SCN11A: variants seen among roughly 807,000 people sequenced by gnomAD.
The protein encoded by SCN11A is sodium channel protein type 11 subunit alpha.
A neutral mutation model predicts 162.2 loss-of-function variants in SCN11A; 122 were observed. The ratio of observed to expected loss-of-function variants is 0.75; its 90% CI spans 0.65 to 0.87. The LOEUF (loss-of-function observed/expected upper bound fraction) is 0.87. Among genes scored for constraint, SCN11A ranks in the 40% least tolerant of loss-of-function variants. The probability of loss-of-function intolerance (pLI) is 0.00; values close to 1 mark genes in which losing one functional copy is unlikely to be tolerated. For missense variants in SCN11A, 2,015 were observed against 2,181.6 expected (o/e 0.92, Z 1.52); for synonymous variants, 758 against 751.5 (o/e 1.01, Z -0.14).
intron 1 of SCN11A, among the ~76,000 whole-genome samples, chr3:39,034,251 A>C (rs2031843498): frequency 6.6e-6 from 1 of 152,180 alleles, no homozygotes; most frequent in Non-Finnish European, 1.5e-5. Flanking sequence ...AAGATCGTTC[A>C]TTATGACCAA....
chr3:38,971,513 C>T (rs1366549039), intron 2 of SCN11A, among the ~76,000 whole-genome samples: 3 of 152,196 alleles, frequency 2.0e-5, no homozygotes, highest in Non-Finnish European at 2.9e-5. Flanking sequence ...ATGCCAGAGA[C>T]TTATTCCCAC....
intron 7 of SCN11A, among the ~76,000 whole-genome samples, chr3:38,936,788 C>T (rs2066339580): frequency 6.6e-6 from 1 of 152,158 alleles, no homozygotes; most frequent in African/African-American, 2.4e-5. Flanking sequence ...TGAAAATGGC[C>T]ATACTGCCCA....
At chr3:38,969,758 T>C (rs2066805271) in intron 2 of SCN11A, among the ~76,000 whole-genome samples, 1 of 152,238 alleles carries the variant, frequency 6.6e-6, no homozygotes, top group African/African-American at 2.4e-5. Flanking sequence ...CAGTGTCTGA[T>C]AACCGAAGTT....
intron 2 of SCN11A, among the ~76,000 whole-genome samples, chr3:39,008,587 A>T (rs753875077): frequency 3.9e-5 from 6 of 152,162 alleles, no homozygotes; most frequent in Non-Finnish European, 8.8e-5. Flanking sequence ...AGAACATCCA[A>T]TGCATCTAAA....
At chr3:38,974,326 A>G (rs1383050884) in intron 2 of SCN11A, among the ~76,000 whole-genome samples, 1 of 152,222 alleles carries the variant, frequency 6.6e-6, no homozygotes. Context: ...ACAAAATTAA[A>G]CCAAAATATG....
chr3:38,954,136 G>C (rs2066653541), intron 3 of SCN11A, among the ~76,000 whole-genome samples: 1 of 152,192 alleles, frequency 6.6e-6, no homozygotes, highest in African/African-American at 2.4e-5. Flanking sequence ...ATTCATCACT[G>C]TCTGTCCCAC....
chr3:38,854,648 G>C lies in SCN11A; in HGVS notation c.4057-3897C>G, dbSNP rs908176138. On this transcript the variant is annotated intron_variant, in intron 28 of 29. Coordinates refer to ENST00000302328, the MANE Select transcript of SCN11A (RefSeq NM_001349253.2). ...ATGCCACTGCAGACTGCACGAGACA[G>C]GTGAAAAGCCGTGAGTTCCCAAAGT... 3.3e-5 allele frequency among the ~76,000 whole-genome samples: 5 copies of C among 152,340 alleles called. No individual in the cohort carries two copies. In the East Asian group the frequency reaches 7.7e-4, roughly 24 times the overall value.
rs766122411 is a variant in SCN11A, at chr3:38,847,463, G to T, written c.4607C>A (p.Thr1536Asn). 4 of 1,614,098 alleles carry T rather than the reference G, an allele frequency of 2.5e-6. No homozygotes were observed. The highest frequency in any genetic ancestry group is 3.4e-6 in the Non-Finnish European group (4 of 1,180,050). Residue 1536 changes from threonine to asparagine, a missense_variant, in exon 30 of 30, where the codon ACT (threonine) becomes AAT (asparagine). Physicochemically the swap from Thr to Asn is moderately conservative, Grantham distance 65. Coordinates refer to ENST00000302328, the MANE Select transcript of SCN11A (RefSeq NM_001349253.2). ...SGIDDIFNFK[T>N]FASSMLCLFQ... ...GAGACAGAGCATGCTGCTGGCAAAAGTCTTGAAGTTGAATATGTCATCGAT... is the reference window on the plus strand; with the variant it reads ...GAGACAGAGCATGCTGCTGGCAAAATTCTTGAAGTTGAATATGTCATCGAT...
At chr3:39,006,262 A>C (rs1000095214) in intron 2 of SCN11A, among the ~76,000 whole-genome samples, 1 of 152,238 alleles carries the variant, frequency 6.6e-6, no homozygotes, top group African/African-American at 2.4e-5. Flanking sequence ...GTGTTTATCA[A>C]CATATTTGAT....
chr3:38,853,527 T>C (rs931053386), intron 28 of SCN11A, among the ~76,000 whole-genome samples: 1 of 152,242 alleles, frequency 6.6e-6, no homozygotes, highest in Non-Finnish European at 1.5e-5. Flanking sequence ...CTGACATTCA[T>C]TGACTTTTTT....
intron 29 of SCN11A, among the ~76,000 whole-genome samples, chr3:38,848,387 G>A (rs76994210): frequency 6.6e-6 from 1 of 152,048 alleles, no homozygotes; most frequent in Non-Finnish European, 1.5e-5. Context: ...AGTCTTCTAG[G>A]GTTGTTAGGG....
At chr3:38,900,801 C>T (rs1184310933) in intron 16 of SCN11A, among the ~76,000 whole-genome samples, 3 of 152,070 alleles carry the variant, frequency 2.0e-5, no homozygotes, top group African/African-American at 4.8e-5. Flanking sequence ...GCAGGAATTA[C>T]AAAAAGTACT....
chr3:38,999,540 A>G (rs952096902), intron 2 of SCN11A, among the ~76,000 whole-genome samples: 9 of 150,462 alleles, frequency 6.0e-5, no homozygotes, highest in African/African-American at 2.0e-4. Flanking sequence ...TTCAATTGTA[A>G]TCAAACTCTG....
intron 1 of SCN11A, among the ~76,000 whole-genome samples, chr3:39,042,957 C>CAAAAAAAAAAAAAAAAA (rs561204433): frequency 2.6e-4 from 17 of 65,984 alleles, no homozygotes; most frequent in Non-Finnish European, 5.0e-4. Context: ...AACTCCATCT[C>CAAAAAAAAAAAAAAAAA]AAAAAAAAAA....
chr3:38,876,292 T>C (rs1288041010), intron 23 of SCN11A, among the ~76,000 whole-genome samples: 2 of 152,130 alleles, frequency 1.3e-5, no homozygotes, highest in Non-Finnish European at 2.9e-5. Context: ...CTTCTAGACA[T>C]TGGCTTAGGC....
chr3:38,952,638 C>T (rs181750534), intron 4 of SCN11A, among the ~76,000 whole-genome samples: 13 of 152,310 alleles, frequency 8.5e-5, no homozygotes, highest in Middle Eastern at 3.4e-3. Flanking sequence ...AGTAGTGGGG[C>T]TATGTCTATG....
chr3:38,899,806 T>C, intron 17 of SCN11A, 88 bp downstream of exon 17: 2 of 1,034,676 alleles, frequency 1.9e-6, no homozygotes, highest in Non-Finnish European at 2.9e-6. Flanking sequence ...AAATTAAAGT[T>C]TAGTACAAGA....
chr3:38,847,723 C>A lies in SCN11A; in HGVS notation c.4347G>T (p.Leu1449Phe). 2 of 1,598,928 alleles carry A rather than the reference C, an allele frequency of 1.3e-6. No homozygotes were observed. Among genetic ancestry groups the A allele is most frequent in the South Asian group, 2.2e-5 (2 of 90,220 alleles). The stretch of plus-strand genomic sequence containing the variant: ...GGAAAGGAATGTGCTCCTGATTTTC[C>A]AAGGTAGAAATCATTGTACCTCAGG... ...LSIVSTMISTLENQEHIPFPP... is the reference protein window; with the variant it reads ...LSIVSTMISTFENQEHIPFPP... Residue 1449 changes from leucine (L) to phenylalanine (F), a missense_variant, in exon 30 of 30, where the codon TTG becomes TTT. Physicochemically the swap from Leu to Phe is conservative, Grantham distance 22. Coordinates refer to ENST00000302328, the MANE Select transcript of SCN11A (RefSeq NM_001349253.2).
chr3:38,975,694 A>G (rs1165166423), intron 2 of SCN11A, among the ~76,000 whole-genome samples: 1 of 152,252 alleles, frequency 6.6e-6, no homozygotes, highest in Non-Finnish European at 1.5e-5. Flanking sequence ...TCAAGAATGA[A>G]GATTGTTAAA....
Sources: gnomAD v4.1 joint callset for allele counts (sites outside exome capture counted in the v4.1 genomes callset) on GRCh38, gnomAD v4.1.1 for gene constraint, MANE v1.5 for transcripts, NCBI Gene and HGNC (gene_info 2026-07-23, HGNC 2026-07-21) for gene names.